The following ADAM22 variants were observed in gnomAD, a reference collection of about 807,000 sequenced individuals.
The protein encoded by ADAM22 is disintegrin and metalloproteinase domain-containing protein 22.
Under a neutral mutation model 144.6 loss-of-function variants are expected in ADAM22, and 65 were observed. That is an observed-to-expected ratio of 0.45 (90% confidence interval 0.37 to 0.55). The LOEUF is 0.55. Among genes scored for constraint, ADAM22 ranks in the 20% least tolerant of loss-of-function variants. ADAM22 has a pLI of 0.00. For missense variants in ADAM22, 974 were observed against 1,184.9 expected (o/e 0.82, Z 2.61); for synonymous variants, 391 against 412.6 (o/e 0.95, Z 0.63).
At chr7:88,007,849 C>A (rs1219512200) in intron 3 of ADAM22, among the ~76,000 whole-genome samples, 1 of 152,192 alleles carries the variant, frequency 6.6e-6, no homozygotes, top group Non-Finnish European at 1.5e-5. Context: ...GCAAGGACTT[C>A]ATGTCTAAAA....
At position 88,157,095 on chromosome 7, in the gene ADAM22, A is replaced by G. The variant is rs139094895; in HGVS notation, c.1907+1089A>G. On this transcript the variant is annotated intron_variant, in intron 22 of 31. Coordinates refer to ENST00000413139, the MANE Select transcript of ADAM22 (RefSeq NM_001324418.2). ...AAATTATCTTCCAGAAAGTAGGGTA[A>G]AAAGGCAAAGAAATGGAACATAGAG... is the stretch of plus-strand genomic sequence containing the variant. Among the ~76,000 whole-genome samples the G allele has an allele frequency of 3.0e-3, 456 of 152,308 alleles. 3 individuals are homozygous for G. Among genetic ancestry groups the G allele is most frequent in the African/African-American group, 0.011 (448 of 41,576 alleles).
rs537295029 is a variant in ADAM22, at chr7:87,949,861, GATA to G, written c.246+14680_246+14682del. Among the ~76,000 whole-genome samples the G allele has an allele frequency of 4.7e-5, 7 of 149,298 alleles. No homozygotes were observed. In the South Asian group the frequency reaches 1.3e-3, roughly 27 times the overall value. ...AATTTATATGTAAATATAAAATATA[GATA>G]ATAAAATATGTAAGTTTACACGTCT... On this transcript the variant is annotated intron_variant, in intron 2 of 31. Transcript: ENST00000413139.
intron 23 of ADAM22, among the ~76,000 whole-genome samples, chr7:88,164,406 T>C (rs548152138): frequency 3.0e-4 from 46 of 152,178 alleles, no homozygotes; most frequent in South Asian, 8.3e-4. Context: ...TAATTATGTA[T>C]TCACAATAAT....
At chr7:88,075,007 T>G (rs555665434) in intron 3 of ADAM22, among the ~76,000 whole-genome samples, 1 of 152,278 alleles carries the variant, frequency 6.6e-6, no homozygotes, top group East Asian at 1.9e-4. Context: ...TTTACGGAAG[T>G]TGTGTCTTGA....
At chr7:88,030,643 G>C (rs966541637) in intron 3 of ADAM22, among the ~76,000 whole-genome samples, 5 of 152,030 alleles carry the variant, frequency 3.3e-5, no homozygotes, top group African/African-American at 1.2e-4. Flanking sequence ...TTGTGATAGA[G>C]GTCTCATGAG....
intron 5 of ADAM22, among the ~76,000 whole-genome samples, chr7:88,112,250 A>T (rs183354879): frequency 1.2e-4 from 18 of 152,360 alleles, no homozygotes; most frequent in Non-Finnish European, 2.1e-4. Flanking sequence ...CATGTGGCTG[A>T]AAACAGTGCA....
intron 3 of ADAM22, among the ~76,000 whole-genome samples, chr7:88,014,114 C>T (rs1030613370): frequency 3.3e-5 from 5 of 151,926 alleles, no homozygotes; most frequent in Admixed American, 6.6e-5. Context: ...TAAAAGTTTC[C>T]TAAAATCATC....
intron 3 of ADAM22, among the ~76,000 whole-genome samples, chr7:88,043,036 C>T (rs149016739): frequency 6.6e-6 from 1 of 151,854 alleles, no homozygotes; most frequent in African/African-American, 2.4e-5. Flanking sequence ...AATTAGCTTA[C>T]CTATTTTCTC....
chr7:87,946,012 G>A (rs1316403613), intron 2 of ADAM22, among the ~76,000 whole-genome samples: 1 of 152,056 alleles, frequency 6.6e-6, no homozygotes, highest in African/African-American at 2.4e-5. Flanking sequence ...GTGTGTAAGT[G>A]TTCCCTTTTC....
chr7:87,994,393 C>T (rs1408239794), intron 3 of ADAM22, among the ~76,000 whole-genome samples: 3 of 152,078 alleles, frequency 2.0e-5, no homozygotes, highest in Non-Finnish European at 4.4e-5. Context: ...GATCTCCTGA[C>T]CTCGTGATCC....
chr7:88,110,583 C>T (rs529483366), intron 5 of ADAM22, among the ~76,000 whole-genome samples: 7 of 150,792 alleles, frequency 4.6e-5, no homozygotes, highest in South Asian at 4.2e-4. Context: ...ACTTTTAGGC[C>T]GGGCACGGTG....
At chr7:88,074,167 C>T (rs908195589) in intron 3 of ADAM22, among the ~76,000 whole-genome samples, 2 of 152,078 alleles carry the variant, frequency 1.3e-5, no homozygotes, top group African/African-American at 4.8e-5. Context: ...TGTGTCGAAG[C>T]TGAAAAACCC....
At position 88,038,062 on chromosome 7, in the gene ADAM22, G is replaced by A. The variant is rs192433747; in HGVS notation, c.324-37564G>A. 3.3e-5 allele frequency among the ~76,000 whole-genome samples: 5 copies of A among 152,230 alleles called. No individual in the cohort carries two copies. The East Asian group carries it at 9.7e-4, about 29-fold the overall frequency. Reference sequence around the variant, plus strand: ...TATGAGCTACTTGATTGTAAGTGTTGGGAAACCAGACAACATCTTGTAATT... The same window carrying A: ...TATGAGCTACTTGATTGTAAGTGTTAGGAAACCAGACAACATCTTGTAATT... On this transcript the variant is annotated intron_variant, in intron 3 of 31. Transcript: ENST00000413139.
At chr7:88,130,648 C>T (rs910675446) in intron 10 of ADAM22, among the ~76,000 whole-genome samples, 189 bp downstream of exon 10, 4 of 152,020 alleles carry the variant, frequency 2.6e-5, no homozygotes, top group African/African-American at 9.7e-5. Flanking sequence ...AGGAACTGGT[C>T]GAAGTTATCC....
rs1021690978 is a variant in ADAM22, at chr7:88,121,272, A to G, written c.608-4317A>G. Among the ~76,000 whole-genome samples the G allele has an allele frequency of 2.0e-5, 3 of 152,246 alleles. No homozygotes were observed. The South Asian group carries it at 6.2e-4, about 32-fold the overall frequency. On this transcript the variant is annotated intron_variant, in intron 7 of 31. Coordinates refer to ENST00000413139, the MANE Select transcript of ADAM22 (RefSeq NM_001324418.2). ...TAGAACCTGCTTGTCAATTTCTATAATTCTGGGATTTTTATTAGAATTGTA... is the reference window on the plus strand; with the variant it reads ...TAGAACCTGCTTGTCAATTTCTATAGTTCTGGGATTTTTATTAGAATTGTA...
At chr7:88,009,199 G>A (rs1022563116) in intron 3 of ADAM22, among the ~76,000 whole-genome samples, 2 of 152,136 alleles carry the variant, frequency 1.3e-5, no homozygotes, top group South Asian at 4.1e-4. Context: ...CCATGACACA[G>A]TTTGTTATCA....
chr7:88,016,999 T>C (rs557544054), intron 3 of ADAM22, among the ~76,000 whole-genome samples: 15 of 152,226 alleles, frequency 9.9e-5, no homozygotes, highest in African/African-American at 3.6e-4. Context: ...GCACCTGTAG[T>C]CCCAGCTTCT....
At chr7:88,106,055 G>T (rs12704383) in intron 4 of ADAM22, among the ~76,000 whole-genome samples, 17 of 152,064 alleles carry the variant, frequency 1.1e-4, no homozygotes, top group African/African-American at 4.1e-4. Flanking sequence ...CAGCTGGTAA[G>T]GGAAGGCGCC....
chr7:88,056,382 T>G (rs1808261451), intron 3 of ADAM22, among the ~76,000 whole-genome samples: 1 of 152,240 alleles, frequency 6.6e-6, no homozygotes, highest in Non-Finnish European at 1.5e-5. Flanking sequence ...GTAGAGATTA[T>G]TTTGTTTCAG....
Sources: gnomAD v4.1 joint callset for allele counts (sites outside exome capture counted in the v4.1 genomes callset) on GRCh38, gnomAD v4.1.1 for gene constraint, MANE v1.5 for transcripts, NCBI Gene and HGNC (gene_info 2026-07-23, HGNC 2026-07-21) for gene names.